The following WDR64 variants were observed in gnomAD, a reference collection of about 807,000 sequenced individuals.
WDR64 encodes WD repeat-containing protein 64.
WDR64 carries 112 observed loss-of-function variants against 139.3 expected under a neutral mutation model. The ratio of observed to expected loss-of-function variants is 0.80; its 90% confidence interval spans 0.69 to 0.94. The LOEUF is 0.94. WDR64 is among the 40% of genes least tolerant of loss of function. WDR64 has a pLI of 0.00. For synonymous variants in WDR64, 444 were observed against 437.7 expected (o/e 1.01, Z -0.18); for missense variants, 1,206 against 1,293.1 (o/e 0.93, Z 1.03).
chr1:241,692,566 T>C (rs1378202950), intron 8 of WDR64, among the ~76,000 whole-genome samples: 1 of 152,168 alleles, frequency 6.6e-6, no homozygotes, highest in Admixed American at 6.6e-5. Flanking sequence ...AAAGAAATAA[T>C]TGATGAGCTG....
intron 8 of WDR64, among the ~76,000 whole-genome samples, chr1:241,701,572 G>A (rs1667713013): frequency 6.6e-6 from 1 of 152,194 alleles, no homozygotes; most frequent in Admixed American, 6.5e-5. Context: ...TTTGAGCCCA[G>A]TTCTGGGCTT....
chr1:241,764,588 G>A (rs544724629), intron 15 of WDR64, among the ~76,000 whole-genome samples: 15 of 152,268 alleles, frequency 9.9e-5, no homozygotes, highest in African/African-American at 2.9e-4. Context: ...TTGAGCCCAG[G>A]AGTTCGAGGT....
rs1658609784 is a variant in WDR64 at position 241,775,093 on chromosome 1, T to C, written c.2431-12T>C. On this transcript the variant is annotated splice_polypyrimidine_tract_variant and intron_variant, in intron 20 of 27. Coordinates refer to ENST00000437684, the MANE Select transcript of WDR64 (RefSeq NM_001367482.1). ...CAAAGAAAAAGTTTTATTTGCATTA[T>C]ACTTTATTTAGGGAAGACTACTGAA... The C allele has an allele frequency of 3.2e-6, 5 of 1,542,638 alleles. No individual in the cohort carries two copies. The Admixed American group carries it at 7.9e-5, about 24-fold the overall frequency.
At chr1:241,720,587 C>G (rs559070341) in intron 9 of WDR64, among the ~76,000 whole-genome samples, 1 of 151,878 alleles carries the variant, frequency 6.6e-6, no homozygotes, top group Non-Finnish European at 1.5e-5. Context: ...GTTTTTTGGC[C>G]GCATAAATGT....
chr1:241,776,270 G>C (rs569243431), intron 21 of WDR64, among the ~76,000 whole-genome samples: 28 of 151,968 alleles, frequency 1.8e-4, no homozygotes, highest in Non-Finnish European at 3.7e-4. Context: ...GTAGAGATGG[G>C]GTTTTGCTAT....
chr1:241,706,183 T>C (rs1667946582), intron 8 of WDR64, among the ~76,000 whole-genome samples: 1 of 152,232 alleles, frequency 6.6e-6, no homozygotes, highest in African/African-American at 2.4e-5. Context: ...CTCCAGGCCT[T>C]GTGCCAGCTG....
chr1:241,705,946 G>C (rs1667937587), intron 8 of WDR64, among the ~76,000 whole-genome samples: 1 of 151,930 alleles, frequency 6.6e-6, no homozygotes, highest in Non-Finnish European at 1.5e-5. Context: ...CCCGGCCCTG[G>C]GCATTTTTGC....
chr1:241,784,019 T>C (rs1658944376), intron 23 of WDR64, among the ~76,000 whole-genome samples: 1 of 152,220 alleles, frequency 6.6e-6, no homozygotes, highest in Admixed American at 6.6e-5. Context: ...AGAGAGGCTT[T>C]GAAGTATATT....
chr1:241,794,759 G>T (rs138062555), intron 25 of WDR64, among the ~76,000 whole-genome samples: 1 of 151,768 alleles, frequency 6.6e-6, no homozygotes, highest in African/African-American at 2.4e-5. Flanking sequence ...TGCCCGCCTC[G>T]GCCTCTGAAA....
chr1:241,699,006 A>G (rs941493553), intron 8 of WDR64, among the ~76,000 whole-genome samples: 1 of 152,060 alleles, frequency 6.6e-6, no homozygotes, highest in African/African-American at 2.4e-5. Flanking sequence ...AACTGAGGGA[A>G]AAGGCCTTTA....
At chr1:241,751,472 A>C (rs530729738) in intron 14 of WDR64, among the ~76,000 whole-genome samples, 2 of 152,264 alleles carry the variant, frequency 1.3e-5, no homozygotes, top group East Asian at 3.9e-4. Flanking sequence ...AAACAAAAAC[A>C]AAAAAACAAA....
chr1:241,725,089 C>A (rs1201762821), intron 10 of WDR64, among the ~76,000 whole-genome samples: 1 of 151,990 alleles, frequency 6.6e-6, no homozygotes, highest in African/African-American at 2.4e-5. Context: ...TATCCTTGAA[C>A]AAATACCAAA....
intron 27 of WDR64, among the ~76,000 whole-genome samples, chr1:241,800,287 G>A (rs1329707515): frequency 2.0e-5 from 3 of 151,912 alleles, no homozygotes; most frequent in Non-Finnish European, 2.9e-5. Context: ...TTGACCTTAG[G>A]AGCTCACTCT....
At chr1:241,782,041 C>G (rs906734657) in intron 22 of WDR64, among the ~76,000 whole-genome samples, 1 of 152,200 alleles carries the variant, frequency 6.6e-6, no homozygotes, top group Non-Finnish European at 1.5e-5. Flanking sequence ...AATCCCAGCA[C>G]TTTGGGAGGC....
Position 241,795,228 on chromosome 1 carries a change from G to A in WDR64, c.3019G>A (p.Gly1007Ser). 3 of 1,613,868 alleles carry A rather than the reference G, an allele frequency of 1.9e-6. No individual in the cohort carries two copies. The East Asian group carries it at 6.7e-5, about 36-fold the overall frequency. ...SPKIRRYPLE[G>S]FVTENREAGI... is the part of the protein sequence containing the mutation. The stretch of plus-strand genomic sequence containing the variant: ...GCAGATTCGAAGATATCCCTTGGAA[G>A]GTTTCGTGACTGAAAACAGAGAGGC... The change falls in exon 26 of 28, where the codon GGT becomes AGT. Residue 1007 changes from glycine (G) to serine (S), a missense_variant. Physicochemically the swap from Gly to Ser is moderately conservative, Grantham distance 56 (BLOSUM62 0). Coordinates refer to ENST00000437684, the MANE Select transcript of WDR64 (RefSeq NM_001367482.1).
chr1:241,709,033 G>A (rs1668068854), intron 8 of WDR64, among the ~76,000 whole-genome samples: 1 of 152,172 alleles, frequency 6.6e-6, no homozygotes, highest in South Asian at 2.1e-4. Flanking sequence ...AGCTACATAT[G>A]ACCCATGGTA....
chr1:241,741,634 A>G lies in WDR64; in HGVS notation c.1440A>G (p.Val480=). Residue 480 remains valine (V), a synonymous_variant, in exon 12 of 28, where the codon GTA becomes GTG. Transcript: ENST00000437684. The part of the protein sequence containing the change: ...VMLYNKYFHQ[V]LTICSESIIR... Reference sequence around the variant, plus strand: ...TTTACAACAAATATTTTCATCAAGTACTCACTATCTGCTCTGAATCCATAA... The same window carrying G: ...TTTACAACAAATATTTTCATCAAGTGCTCACTATCTGCTCTGAATCCATAA... 6.2e-7 allele frequency: 1 copy of G among 1,612,442 alleles called. No individual in the cohort carries two copies. Among genetic ancestry groups the G allele is most frequent in the East Asian group, 2.2e-5 (1 of 44,808 alleles).
chr1:241,717,609 C>G (rs1444363875), intron 9 of WDR64, among the ~76,000 whole-genome samples: 1 of 142,392 alleles, frequency 7.0e-6, no homozygotes, highest in Admixed American at 7.1e-5. Flanking sequence ...TGGCTTCACA[C>G]ACGCAGAAAA....
At chr1:241,744,233 A>G (rs549918779) in intron 12 of WDR64, among the ~76,000 whole-genome samples, 160 bp from the exon 13 acceptor site, 12 of 152,296 alleles carry the variant, frequency 7.9e-5, no homozygotes, top group Non-Finnish European at 1.3e-4. Context: ...TATCTTTTAG[A>G]ACTTTCTTTG....
Sources: gnomAD v4.1 joint callset for allele counts (sites outside exome capture counted in the v4.1 genomes callset) on GRCh38, gnomAD v4.1.1 for gene constraint, MANE v1.5 for transcripts, NCBI Gene and HGNC (gene_info 2026-07-23, HGNC 2026-07-21) for gene names.